The following ECPAS variants were observed in gnomAD, a reference collection of about 807,000 sequenced individuals.
ECPAS encodes the protein proteasome adapter and scaffold protein ECM29.
Under a neutral mutation model 255.1 loss-of-function variants are expected in ECPAS, and 70 were observed. The ratio of observed to expected loss-of-function variants is 0.27; its 90% CI spans 0.23 to 0.33. ECPAS has a LOEUF of 0.33. ECPAS is among the 10% of genes least tolerant of loss of function. The pLI is 1.00. For missense variants in ECPAS, 1,817 were observed against 2,206.4 expected (o/e 0.82, Z 3.54); for synonymous variants, 784 against 775.0 (o/e 1.01, Z -0.19).
At chr9:111,448,046 C>T (rs2098255616) in intron 3 of ECPAS, among the ~76,000 whole-genome samples, 1 of 151,938 alleles carries the variant, frequency 6.6e-6, no homozygotes, top group Admixed American at 6.6e-5. Flanking sequence ...ATGTTCCCAA[C>T]CCAAAGGAAA....
At chr9:111,380,451 T>C (rs2098139203) in intron 35 of ECPAS, among the ~76,000 whole-genome samples, 2 of 152,214 alleles carry the variant, frequency 1.3e-5, no homozygotes, top group South Asian at 4.1e-4. Context: ...ATCCAGACTT[T>C]GTTGTTCCAT....
chr9:111,394,028 C>G, intron 26 of ECPAS, 132 bp downstream of exon 26: 1 of 907,940 alleles, frequency 1.1e-6, no homozygotes, highest in Non-Finnish European at 1.6e-6. Flanking sequence ...AGGCCACCAT[C>G]CTTCATTCCT....
chr9:111,394,277 C>A lies in ECPAS; in HGVS notation c.2805G>T (p.Trp935Cys). The A allele has an allele frequency of 6.3e-7, 1 of 1,577,732 alleles. No homozygotes were observed. The highest frequency in any genetic ancestry group is 8.6e-7 in the Non-Finnish European group (1 of 1,161,984). The change falls in exon 26 of 50, where the codon TGG (tryptophan) becomes TGT (cysteine). Residue 935 changes from tryptophan (W) to cysteine (C), a missense_variant. Physicochemically the swap from Trp to Cys is radical, Grantham distance 215. Transcript: ENST00000684092. Reference protein sequence around the residue: ...AGAKVNDVVPWVLDVILNKHI... With the variant: ...AGAKVNDVVPCVLDVILNKHI... ...GTTTATTTAAAATCACATCCAACAC[C>A]CATGGAACCACATCATTCACTTTGG...
At chr9:111,375,479 C>G (rs535329332) in intron 37 of ECPAS, among the ~76,000 whole-genome samples, 1 of 152,096 alleles carries the variant, frequency 6.6e-6, no homozygotes, top group Admixed American at 6.5e-5. Flanking sequence ...AATGAAGAAT[C>G]TTTCTGGGCC....
chr9:111,408,784 C>G, intron 23 of ECPAS, 112 bp from the exon 24 acceptor site: 1 of 529,108 alleles, frequency 1.9e-6, no homozygotes, highest in Non-Finnish European at 3.2e-6. Context: ...AACACATCAA[C>G]GCAAAAGTTT....
intron 2 of ECPAS, among the ~76,000 whole-genome samples, chr9:111,469,984 T>C (rs1164563698): frequency 2.0e-5 from 3 of 151,458 alleles, no homozygotes; most frequent in Non-Finnish European, 2.9e-5. Flanking sequence ...AAGTTGGGAG[T>C]GGGGAGAAGA....
At chr9:111,471,787 C>T (rs1021442242) in intron 2 of ECPAS, among the ~76,000 whole-genome samples, 1 of 152,172 alleles carries the variant, frequency 6.6e-6, no homozygotes, top group Non-Finnish European at 1.5e-5. Flanking sequence ...ATGAAGATGC[C>T]TCCTTCATAC....
chr9:111,378,544 A>G lies in ECPAS; in HGVS notation c.3954+36T>C, dbSNP rs1349037475. ...GGTATCTTAACAGGGCTCTTCCCTCATGATACTTACCAATATGCCTGCGCT... is the reference window on the plus strand; with the variant it reads ...GGTATCTTAACAGGGCTCTTCCCTCGTGATACTTACCAATATGCCTGCGCT... On this transcript the variant is annotated intron_variant, in intron 36 of 49. Transcript: ENST00000684092. The G allele has an allele frequency of 4.0e-5, 63 of 1,590,812 alleles. No individual in the cohort carries two copies. The East Asian group carries it at 1.3e-3, about 32-fold the overall frequency.
chr9:111,468,628 T>A (rs913266698), intron 2 of ECPAS, among the ~76,000 whole-genome samples: 15 of 139,964 alleles, frequency 1.1e-4, no homozygotes, highest in Non-Finnish European at 1.9e-4. Flanking sequence ...AGAGAGTGAG[T>A]GAGAGAGAGA....
At chr9:111,431,820 T>G (rs964789807) in intron 8 of ECPAS, among the ~76,000 whole-genome samples, 1 of 152,206 alleles carries the variant, frequency 6.6e-6, no homozygotes, top group Non-Finnish European at 1.5e-5. Context: ...CTTCTTAGAA[T>G]AGCCACAATT....
At chr9:111,454,220 G>A (rs2098263997) in intron 2 of ECPAS, among the ~76,000 whole-genome samples, 1 of 146,444 alleles carries the variant, frequency 6.8e-6, no homozygotes, top group South Asian at 2.2e-4. Context: ...TAAAAGAAGT[G>A]TTCTGTGGAC....
intron 20 of ECPAS, 30 bp downstream of exon 20, chr9:111,413,865 T>A: frequency 7.3e-7 from 1 of 1,366,406 alleles, no homozygotes; most frequent in Non-Finnish European, 1.0e-6. Flanking sequence ...AATAGAATTT[T>A]TTTTAAAAAA....
At chr9:111,403,313 T>C (rs990083607) in intron 24 of ECPAS, among the ~76,000 whole-genome samples, 3 of 151,628 alleles carry the variant, frequency 2.0e-5, no homozygotes, top group African/African-American at 7.3e-5. Flanking sequence ...TGAGCTGAGA[T>C]TGCTGCACTC....
intron 18 of ECPAS, among the ~76,000 whole-genome samples, chr9:111,415,695 T>G (rs1450263214): frequency 2.8e-5 from 4 of 140,968 alleles, no homozygotes; most frequent in Admixed American, 7.2e-5. Flanking sequence ...AGAGTGAGAC[T>G]CCTTCTCAAA....
chr9:111,453,315 C>A (rs1333058782), intron 2 of ECPAS, among the ~76,000 whole-genome samples: 3 of 152,012 alleles, frequency 2.0e-5, no homozygotes, highest in Admixed American at 2.0e-4. Flanking sequence ...AACGTCATTG[C>A]CCAAGCAATG....
intron 2 of ECPAS, among the ~76,000 whole-genome samples, chr9:111,468,151 AAAAAC>A: frequency 6.6e-6 from 1 of 152,176 alleles, no homozygotes; most frequent in South Asian, 2.1e-4. Context: ...CTCAGCCTCA[AAAAAC>A]AAAACAAAAC....
At chr9:111,402,707 T>C (rs754150888) in intron 24 of ECPAS, among the ~76,000 whole-genome samples, 1 of 152,198 alleles carries the variant, frequency 6.6e-6, no homozygotes, top group Admixed American at 6.5e-5. Flanking sequence ...AGTTTTTAAG[T>C]TTTTTCTTTG....
In ECPAS at chr9:111,456,661, G is replaced by C. The variant is rs567011358; in HGVS notation, c.23-5106C>G. Among the ~76,000 whole-genome samples the C allele has an allele frequency of 2.0e-5, 3 of 152,300 alleles. No individual in the cohort carries two copies. In the East Asian group the frequency reaches 5.8e-4, roughly 29 times the overall value. Reference sequence around the variant, plus strand: ...AAGAAGCTAACTCCATATGTGACCAGCTGCAGTTCAACCTTTCTCCTCCTC... The same window carrying C: ...AAGAAGCTAACTCCATATGTGACCACCTGCAGTTCAACCTTTCTCCTCCTC... On this transcript the variant is annotated intron_variant, in intron 2 of 49. Coordinates refer to ENST00000684092, the MANE Select transcript of ECPAS (RefSeq NM_001364929.1).
rs183505979 is a variant in ECPAS at position 111,399,100 on chromosome 9, T to C, written c.2653-1947A>G. ...GAGGGGATGGATACCCTATTCTCCA[T>C]GATGTGATTATTAAGCATTGCATGT... On this transcript the variant is annotated intron_variant, in intron 24 of 49. Coordinates refer to ENST00000684092, the MANE Select transcript of ECPAS (RefSeq NM_001364929.1). 2.6e-5 allele frequency among the ~76,000 whole-genome samples: 4 copies of C among 152,304 alleles called. No individual in the cohort carries two copies. In the East Asian group the frequency reaches 7.7e-4, roughly 29 times the overall value.
Sources: allele counts gnomAD v4.1 joint callset (sites outside exome capture counted in the v4.1 genomes callset), GRCh38; gene constraint gnomAD v4.1.1; transcripts MANE v1.5; gene names NCBI Gene and HGNC (gene_info 2026-07-23, HGNC 2026-07-21).